Variants in SLC13A3 observed in about 807,000 individuals in gnomAD.
The protein encoded by SLC13A3 is Na(+)/dicarboxylate cotransporter 3.
A neutral mutation model predicts 59.0 loss-of-function variants in SLC13A3; 40 were observed. The observed-to-expected ratio is 0.68, with a 90% CI of 0.53 to 0.88. The LOEUF is 0.88. SLC13A3 is among the 40% of genes least tolerant of loss of function. The pLI, the probability that SLC13A3 is intolerant of heterozygous loss-of-function variation, is 0.00. For missense variants in SLC13A3, 699 were observed against 783.2 expected, an observed-to-expected ratio of 0.89 and a Z score of 1.28; for synonymous variants, 317 against 330.3, an observed-to-expected ratio of 0.96 and a Z score of 0.44.
At chr20:46,617,738 CAGA>C (rs2062574727) in intron 1 of SLC13A3, among the ~76,000 whole-genome samples, 1 of 152,180 alleles carries the variant, frequency 6.6e-6, no homozygotes, top group Non-Finnish European at 1.5e-5. Flanking sequence ...GGCCTCCAGG[CAGA>C]AGAACATCCA....
intron 1 of SLC13A3, among the ~76,000 whole-genome samples, chr20:46,663,293 A>G (rs1301445956): frequency 6.6e-6 from 1 of 152,052 alleles, no homozygotes; most frequent in African/African-American, 2.4e-5. Flanking sequence ...AAAAATTACA[A>G]AATTAGCAGG....
At chr20:46,562,043 T>C (rs1486168339) in intron 12 of SLC13A3, among the ~76,000 whole-genome samples, 3 of 152,166 alleles carry the variant, frequency 2.0e-5, no homozygotes, top group Non-Finnish European at 4.4e-5. Flanking sequence ...TCTCTGGCTG[T>C]CTTTATTCTC....
At chr20:46,600,546 T>A (rs1027293877) in intron 3 of SLC13A3, 6 of 422,270 alleles carry the variant, frequency 1.4e-5, no homozygotes, top group African/African-American at 1.2e-4. Context: ...GGGGTTTAGC[T>A]GCAGGGCTGC....
intron 3 of SLC13A3, among the ~76,000 whole-genome samples, chr20:46,607,911 AT>A (rs2062452015): frequency 6.6e-6 from 1 of 152,192 alleles, no homozygotes; most frequent in East Asian, 1.9e-4. Context: ...TCTCATTCAG[AT>A]ATGAGGTCCA....
At chr20:46,675,415 T>C (rs1262673624) in intron 1 of SLC13A3, among the ~76,000 whole-genome samples, 1 of 146,754 alleles carries the variant, frequency 6.8e-6, no homozygotes, top group Non-Finnish European at 1.5e-5. Flanking sequence ...CTTTTTTTTT[T>C]TTTTTTTTTC....
Position 46,592,436 on chromosome 20 carries a change from C to A in SLC13A3, c.888G>T (p.Trp296Cys), listed in dbSNP as rs1308068714. ...MLLFLLAGWL[W>C]ISFLYGGLSF... Reference sequence around the variant, plus strand: ...TCAGTCCCCCGTACAGGAAGGAGATCCAGAGCCAGCCTGCCAACAGGAACA... The same window carrying A: ...TCAGTCCCCCGTACAGGAAGGAGATACAGAGCCAGCCTGCCAACAGGAACA... Residue 296 changes from tryptophan to cysteine, a missense_variant, in exon 6 of 13, where the codon TGG (tryptophan) becomes TGT (cysteine). Trp to Cys is a radical substitution (Grantham distance 215). Transcript: ENST00000279027. 1.2e-6 allele frequency: 2 copies of A among 1,613,954 alleles called. No homozygotes were observed. The highest frequency in any genetic ancestry group is 1.7e-6 in the Non-Finnish European group (2 of 1,179,930).
At chr20:46,671,674 C>G (rs2063093007), upstream of SLC13A3, among the ~76,000 whole-genome samples, 1 of 152,104 alleles carries the variant, frequency 6.6e-6, no homozygotes, top group Non-Finnish European at 1.5e-5. Flanking sequence ...GCAGAGGGAG[C>G]CACCAGGCAG....
intron 1 of SLC13A3, among the ~76,000 whole-genome samples, chr20:46,647,626 T>C (rs77328943): frequency 6.6e-6 from 1 of 152,146 alleles, no homozygotes. Context: ...CTCCTTTTCA[T>C]CCCTGCTGAC....
chr20:46,576,248 G>A (rs1032887666), intron 9 of SLC13A3, among the ~76,000 whole-genome samples: 5 of 152,138 alleles, frequency 3.3e-5, no homozygotes, highest in South Asian at 2.1e-4. Context: ...CTACTCCGTC[G>A]TTGTAGCATG....
At chr20:46,658,217 A>C (rs1018578220) in intron 1 of SLC13A3, among the ~76,000 whole-genome samples, 11 of 152,202 alleles carry the variant, frequency 7.2e-5, no homozygotes, top group Middle Eastern at 3.4e-3. Context: ...TCAAAAAAAA[A>C]CCCATTATGC....
At chr20:46,573,282 C>T (rs568042648) in intron 10 of SLC13A3, among the ~76,000 whole-genome samples, 2 of 152,298 alleles carry the variant, frequency 1.3e-5, no homozygotes, top group Admixed American at 6.5e-5. Context: ...ACCCCAAAAG[C>T]GGCCTCACTT....
At chr20:46,634,699 T>A in intron 1 of SLC13A3, among the ~76,000 whole-genome samples, 1 of 152,166 alleles carries the variant, frequency 6.6e-6, no homozygotes, top group East Asian at 1.9e-4. Context: ...AGGGTGGTTG[T>A]GGGGGTGTGC....
rs201450659 is a variant in SLC13A3 at position 46,657,840 on chromosome 20, G to A, written c.-31+12203C>T. ...AGCAGGAGCAAGGCGCTGGGGGGAG[G>A]TGCCACACACTTTTAAACAACCAGA... On this transcript the variant is annotated intron_variant, in intron 1 of 12. Transcript: ENST00000290317. Among the ~76,000 whole-genome samples, 35 of 152,186 alleles carry A rather than the reference G, an allele frequency of 2.3e-4. No homozygotes were observed. In the East Asian group the frequency reaches 5.2e-3, roughly 23 times the overall value.
At position 46,590,790 on chromosome 20, in the gene SLC13A3, T is replaced by C. The variant is rs185451677; in HGVS notation, c.921-1535A>G. ...TTATTCTCTGATCCAGAAATCCCAC[T>C]TCTGGAAATGTATCTTATAAAAATG... On this transcript the variant is annotated intron_variant, in intron 6 of 12. Transcript: ENST00000279027. 1.8e-4 allele frequency among the ~76,000 whole-genome samples: 28 copies of C among 152,264 alleles called. No homozygotes were observed. In the East Asian group the frequency reaches 5.2e-3, roughly 28 times the overall value.
intron 4 of SLC13A3, among the ~76,000 whole-genome samples, chr20:46,596,777 G>A (rs924459265): frequency 3.9e-5 from 6 of 152,088 alleles, no homozygotes; most frequent in African/African-American, 1.4e-4. Context: ...GCAGCTGGGC[G>A]TGGTGGCTCA....
At chr20:46,609,055 T>G in intron 3 of SLC13A3, 1 of 1,550,334 alleles carries the variant, frequency 6.5e-7, no homozygotes, top group Non-Finnish European at 8.7e-7. Context: ...TTGGGTTCTA[T>G]TCCTAAAAGA....
At chr20:46,648,499 CA>C (rs2062917343) in intron 1 of SLC13A3, among the ~76,000 whole-genome samples, 1 of 152,078 alleles carries the variant, frequency 6.6e-6, no homozygotes, top group South Asian at 2.1e-4. Flanking sequence ...CCTGGTTCAT[CA>C]ACCACTTAAA....
Position 46,560,079 on chromosome 20 carries a change from C to A in SLC13A3, c.1752G>T (p.Ser584=). The A allele has an allele frequency of 6.2e-7, 1 of 1,614,052 alleles. No homozygotes were observed. Among genetic ancestry groups the A allele is most frequent in the Non-Finnish European group, 8.5e-7 (1 of 1,179,998 alleles). The change falls in exon 13 of 13, where the codon TCG becomes TCT. Residue 584 remains serine, a synonymous_variant. Coordinates refer to ENST00000279027, the MANE Select transcript of SLC13A3 (RefSeq NM_022829.6). ...GTFPDWADMY[S]VNVTALPPTL... ...TGGGTGGCAATGCTGTGACATTGAC[C>A]GAGTACATATCAGCCCAGTCCGGGA...
intron 8 of SLC13A3, chr20:46,584,341 G>A: frequency 1.0e-6 from 1 of 985,376 alleles, no homozygotes; most frequent in Admixed American, 6.1e-5. Context: ...CCTGTAAATT[G>A]TATTTTTAAA....
Sources: allele counts gnomAD v4.1 joint callset (sites outside exome capture counted in the v4.1 genomes callset), GRCh38; gene constraint gnomAD v4.1.1; transcripts MANE v1.5; gene names NCBI Gene and HGNC (gene_info 2026-07-23, HGNC 2026-07-21).